ELAPOR1: variants seen among roughly 807,000 people sequenced by gnomAD.
ELAPOR1 encodes endosome/lysosome-associated apoptosis and autophagy regulator 1.
Under a neutral mutation model 119.7 loss-of-function variants are expected in ELAPOR1, and 77 were observed. The observed-to-expected ratio is 0.64, with a 90% CI of 0.54 to 0.78. The LOEUF (loss-of-function observed/expected upper bound fraction) is 0.78. ELAPOR1 is among the 30% of genes least tolerant of loss of function. The probability of loss-of-function intolerance (pLI) is 0.00; values close to 1 mark genes in which losing one functional copy is unlikely to be tolerated. For missense variants in ELAPOR1, 1,115 were observed against 1,270.4 expected, an observed-to-expected ratio of 0.88 and a Z score of 1.86; for synonymous variants, 481 against 487.2, an observed-to-expected ratio of 0.99 and a Z score of 0.17.
intron 1 of ELAPOR1, among the ~76,000 whole-genome samples, chr1:109,142,579 A>G (rs562047877): frequency 2.0e-5 from 3 of 152,320 alleles, no homozygotes; most frequent in Admixed American, 2.0e-4. Flanking sequence ...TCCTGATGGA[A>G]AGAGGATTCT....
intron 8 of ELAPOR1, chr1:109,186,675 T>C: frequency 1.0e-6 from 1 of 985,488 alleles, no homozygotes; most frequent in Non-Finnish European, 1.2e-6. Flanking sequence ...TTCATTTTCT[T>C]GGTCTCAGCC....
At position 109,144,300 on chromosome 1, in the gene ELAPOR1, A is replaced by G. The variant is rs139617901; in HGVS notation, c.154-17594A>G. Among the ~76,000 whole-genome samples, 216 of 150,818 alleles carry G rather than the reference A, an allele frequency of 1.4e-3. 5 individuals are homozygous for G. The South Asian group carries it at 0.027, about 19-fold the overall frequency. On this transcript the variant is annotated intron_variant, in intron 1 of 21. Coordinates refer to ENST00000369939, the MANE Select transcript of ELAPOR1 (RefSeq NM_020775.5). Reference sequence around the variant, plus strand: ...CTCCCAACCTCAGGTGATCTGCCCAACTTGGCCTCCCAAAGTGCTGAGATT... The same window carrying G: ...CTCCCAACCTCAGGTGATCTGCCCAGCTTGGCCTCCCAAAGTGCTGAGATT...
At chr1:109,137,729 T>C (rs993013613) in intron 1 of ELAPOR1, among the ~76,000 whole-genome samples, 2 of 151,648 alleles carry the variant, frequency 1.3e-5, no homozygotes, top group South Asian at 2.1e-4. Context: ...GGTTTCTCCA[T>C]GTTGGTCATG....
At chr1:109,198,699 A>G in intron 18 of ELAPOR1, 25 bp downstream of exon 18, 2 of 1,586,102 alleles carry the variant, frequency 1.3e-6, no homozygotes, top group Non-Finnish European at 1.7e-6. Context: ...GGGATGTAAC[A>G]AAGGCCAAAA....
chr1:109,126,133 A>G (rs186293779), intron 1 of ELAPOR1, among the ~76,000 whole-genome samples: 4 of 152,344 alleles, frequency 2.6e-5, no homozygotes, highest in Admixed American at 1.3e-4. Flanking sequence ...AGTGAAGGCT[A>G]TGATGAGAGA....
chr1:109,186,038 G>A (rs1320579155), intron 8 of ELAPOR1, among the ~76,000 whole-genome samples: 2 of 151,776 alleles, frequency 1.3e-5, no homozygotes, highest in Non-Finnish European at 2.9e-5. Context: ...CAACAAATGG[G>A]TATATAATAT....
chr1:109,174,015 A>ATT (rs57356277), intron 7 of ELAPOR1, among the ~76,000 whole-genome samples, 178 bp downstream of exon 7: 4,345 of 137,854 alleles, frequency 0.032, 212 homozygotes, highest in African/African-American at 0.1. Context: ...TCACTTTGTC[A>ATT]TTTTTTTTTT....
At chr1:109,130,778 A>G (rs985944804) in intron 1 of ELAPOR1, among the ~76,000 whole-genome samples, 7 of 152,234 alleles carry the variant, frequency 4.6e-5, no homozygotes, top group African/African-American at 1.4e-4. Flanking sequence ...CTATTAATGC[A>G]TATTTTAGTT....
Position 109,114,193 on chromosome 1 carries a change from C to T in ELAPOR1, c.10C>T (p.Pro4Ser), listed in dbSNP as rs1320266756. 1 of 1,600,028 alleles carries T rather than the reference C, an allele frequency of 6.2e-7. No individual in the cohort carries two copies. Among genetic ancestry groups the T allele is most frequent in the South Asian group, 1.1e-5 (1 of 89,030 alleles). MAE[P>S]GHSHHLSARV... Reference sequence around the variant, plus strand: ...CACTCAGGACAACGCTATGGCTGAGCCTGGGCACAGCCACCATCTCTCCGC... The same window carrying T: ...CACTCAGGACAACGCTATGGCTGAGTCTGGGCACAGCCACCATCTCTCCGC... Residue 4 changes from proline to serine, a missense_variant, in exon 1 of 22, where the codon CCT (proline) becomes TCT (serine). Pro to Ser is a moderately conservative substitution (Grantham distance 74). Coordinates refer to ENST00000369939, the MANE Select transcript of ELAPOR1 (RefSeq NM_020775.5).
In ELAPOR1 at chr1:109,135,086, T is replaced by A. The variant is rs182429276; in HGVS notation, c.153+20750T>A. Among the ~76,000 whole-genome samples the A allele has an allele frequency of 2.0e-5, 3 of 152,272 alleles. No homozygotes were observed. The East Asian group carries it at 5.8e-4, about 29-fold the overall frequency. On this transcript the variant is annotated intron_variant, in intron 1 of 21. Coordinates refer to ENST00000369939, the MANE Select transcript of ELAPOR1 (RefSeq NM_020775.5). ...AGCTAATCTTTAACTCCACACCTAC[T>A]CTTGCCTTTTCCCAGGCAGCTTCCT...
intron 1 of ELAPOR1, among the ~76,000 whole-genome samples, chr1:109,136,675 T>A (rs17641624): frequency 0.036 from 5,421 of 152,254 alleles, 114 homozygotes; most frequent in Middle Eastern, 0.058. Flanking sequence ...TTTAAAAAAA[T>A]TAATTGTAGG....
At position 109,198,011 on chromosome 1, in the gene ELAPOR1, A is replaced by C; in HGVS notation, c.2335A>C (p.Thr779Pro). The stretch of plus-strand genomic sequence containing the variant: ...AACAGATATGACTCTGGATGGAATC[A>C]CCTCCCCAGCTGAACTTTTCCACCT... Reference protein sequence around the residue: ...VTTDMTLDGITSPAELFHLES... With the variant: ...VTTDMTLDGIPSPAELFHLES... Residue 779 changes from threonine to proline, a missense_variant, in exon 17 of 22, where the codon ACC (threonine) becomes CCC (proline). Thr to Pro is a conservative substitution (Grantham distance 38, BLOSUM62 -1). Coordinates refer to ENST00000369939, the MANE Select transcript of ELAPOR1 (RefSeq NM_020775.5). The C allele has an allele frequency of 6.2e-7, 1 of 1,613,966 alleles. No homozygotes were observed. Among genetic ancestry groups the C allele is most frequent in the South Asian group, 1.1e-5 (1 of 91,066 alleles).
At chr1:109,136,358 G>C (rs141734946) in intron 1 of ELAPOR1, among the ~76,000 whole-genome samples, 1 of 152,312 alleles carries the variant, frequency 6.6e-6, no homozygotes, top group African/African-American at 2.4e-5. Context: ...CACAAGCCAA[G>C]GAAATCAAGG....
At chr1:109,187,774 G>A (rs1021672782) in intron 8 of ELAPOR1, 22 of 800,844 alleles carry the variant, frequency 2.7e-5, no homozygotes, top group African/African-American at 7.5e-5. Flanking sequence ...CTCAGTCCCC[G>A]GGGGACATCT....
In ELAPOR1 at chr1:109,164,412, G is replaced by T. The variant is rs923843720; in HGVS notation, c.275-87G>T. The T allele has an allele frequency of 2.4e-5, 27 of 1,143,608 alleles. 2 individuals are homozygous for T. In the Middle Eastern group the frequency reaches 6.1e-4, roughly 26 times the overall value. 70.8% of individuals were successfully genotyped at this position (1,143,608 alleles called of 1,614,324 possible). ...CCAAACTCCTAGACCCCAACCCAGC[G>T]CTCCTCCCTTCAGCTGCTCGCAGCC... On this transcript the variant is annotated intron_variant, in intron 2 of 21. Transcript: ENST00000369939.
intron 1 of ELAPOR1, among the ~76,000 whole-genome samples, chr1:109,133,254 A>G (rs1242459070): frequency 6.6e-6 from 1 of 152,122 alleles, no homozygotes. Context: ...ACAACTTAGA[A>G]TGACAAATGC....
At chr1:109,160,237 G>A (rs1430506620) in intron 1 of ELAPOR1, among the ~76,000 whole-genome samples, 1 of 151,438 alleles carries the variant, frequency 6.6e-6, no homozygotes, top group Non-Finnish European at 1.5e-5. Context: ...AGCCCAGGAA[G>A]TCAAGATTAC....
rs1653422385 is a variant in ELAPOR1 at position 109,191,387 on chromosome 1, A to G, written c.1461A>G (p.Ala487=). ...ACAGACCTCCGCAGTCGGTGATGGCAGACACAGAGAATAAAGAGGTGGCCA... is the reference window on the plus strand; with the variant it reads ...ACAGACCTCCGCAGTCGGTGATGGCGGACACAGAGAATAAAGAGGTGGCCA... ...PGFRPPQSVM[A]DTENKEVARI... is the part of the protein sequence containing the mutation. The change falls in exon 12 of 22, where the codon GCA becomes GCG. Residue 487 remains alanine, a synonymous_variant. Coordinates refer to ENST00000369939, the MANE Select transcript of ELAPOR1 (RefSeq NM_020775.5). 1 of 1,614,026 alleles carries G rather than the reference A, an allele frequency of 6.2e-7. No individual in the cohort carries two copies. Among genetic ancestry groups the G allele is most frequent in the African/African-American group, 1.3e-5 (1 of 74,930 alleles).
intron 1 of ELAPOR1, among the ~76,000 whole-genome samples, chr1:109,141,411 G>A: frequency 6.7e-6 from 1 of 149,628 alleles, no homozygotes; most frequent in South Asian, 2.1e-4. Flanking sequence ...ACAGGCGCCT[G>A]CCACCACGCC....
Sources: allele counts gnomAD v4.1 joint callset (sites outside exome capture counted in the v4.1 genomes callset), GRCh38; gene constraint gnomAD v4.1.1; transcripts MANE v1.5; gene names NCBI Gene and HGNC (gene_info 2026-07-23, HGNC 2026-07-21).